Variants in FRMD4A observed in about 807,000 individuals in gnomAD.
FRMD4A encodes FERM domain containing 4A, also known as FERM domain-containing protein 4A.
FRMD4A carries 29 observed loss-of-function variants against 129.1 expected under a neutral mutation model. The observed-to-expected ratio is 0.22, with a 90% CI of 0.17 to 0.31. The LOEUF is 0.31. Among genes scored for constraint, FRMD4A ranks in the 10% least tolerant of loss-of-function variants. FRMD4A has a pLI of 1.00. For synonymous variants in FRMD4A, 634 were observed against 571.6 expected (o/e 1.11, Z -1.56); for missense variants, 1,272 against 1,375.8 (o/e 0.92, Z 1.19).
chr10:14,080,775 T>C (rs1015810920), intron 2 of FRMD4A, among the ~76,000 whole-genome samples: 7 of 151,916 alleles, frequency 4.6e-5, no homozygotes, highest in Admixed American at 2.6e-4. Flanking sequence ...CAGTGTCCAG[T>C]TGGCATCTCT....
In FRMD4A at chr10:13,700,569, C is replaced by T. The variant is rs141439248; in HGVS notation, c.975+771G>A. On this transcript the variant is annotated intron_variant, in intron 14 of 24. Transcript: ENST00000357447. The stretch of plus-strand genomic sequence containing the variant: ...AAGCTGCAGGGCCATCTTGGCAGGG[C>T]TCTTCCCCTGAGGGAGAATGAATGG... Among the ~76,000 whole-genome samples the T allele has an allele frequency of 7.2e-3, 1,095 of 152,292 alleles. 4 individuals are homozygous for T. The highest frequency in any genetic ancestry group is 0.012 in the Non-Finnish European group (807 of 68,024).
intron 2 of FRMD4A, among the ~76,000 whole-genome samples, chr10:14,230,297 C>T (rs1234006736): frequency 2.0e-5 from 3 of 152,282 alleles, no homozygotes; most frequent in East Asian, 1.9e-4. Context: ...TGGTTAAGAA[C>T]GTGGAATCTG....
intron 2 of FRMD4A, among the ~76,000 whole-genome samples, chr10:14,215,146 C>T (rs753029470): frequency 6.6e-6 from 1 of 152,108 alleles, no homozygotes; most frequent in Non-Finnish European, 1.5e-5. Flanking sequence ...ACTAGAGAAG[C>T]CATTGTCTAC....
At chr10:14,205,576 G>A (rs1842757785) in intron 2 of FRMD4A, among the ~76,000 whole-genome samples, 1 of 152,076 alleles carries the variant, frequency 6.6e-6, no homozygotes, top group African/African-American at 2.4e-5. Flanking sequence ...GGAGGCCGAG[G>A]TGGGTGGATC....
chr10:13,965,737 A>C (rs2095481519), intron 2 of FRMD4A, among the ~76,000 whole-genome samples: 1 of 152,234 alleles, frequency 6.6e-6, no homozygotes, highest in African/African-American at 2.4e-5. Flanking sequence ...TCTTTCTTTC[A>C]GTAATGAAAG....
chr10:13,967,575 A>G (rs1456976375), intron 2 of FRMD4A, among the ~76,000 whole-genome samples: 1 of 152,224 alleles, frequency 6.6e-6, no homozygotes, highest in Non-Finnish European at 1.5e-5. Flanking sequence ...AAAAGCAGCT[A>G]ACATGGATTG....
intron 2 of FRMD4A, among the ~76,000 whole-genome samples, chr10:14,039,854 T>A (rs1039923784): frequency 6.6e-6 from 1 of 152,176 alleles, no homozygotes; most frequent in African/African-American, 2.4e-5. Context: ...TGAGGCTGTG[T>A]CACGGCCGTG....
At chr10:13,975,569 T>TGTCTGTCTC in intron 2 of FRMD4A, among the ~76,000 whole-genome samples, 1 of 151,994 alleles carries the variant, frequency 6.6e-6, no homozygotes, top group East Asian at 1.9e-4. Flanking sequence ...TGTGTGTCTG[T>TGTCTGTCTC]GTCTGTCTCT....
chr10:13,850,768 T>C (rs61833450), intron 3 of FRMD4A, among the ~76,000 whole-genome samples: 1,650 of 152,346 alleles, frequency 0.011, 19 homozygotes, highest in Non-Finnish European at 0.017. Flanking sequence ...GAATGGGCTA[T>C]ACTATCAGAG....
intron 2 of FRMD4A, among the ~76,000 whole-genome samples, chr10:14,140,532 C>G (rs896648602): frequency 6.6e-6 from 1 of 152,304 alleles, no homozygotes; most frequent in African/African-American, 2.4e-5. Flanking sequence ...TGGTACACGA[C>G]CTTTCCACTT....
At chr10:13,955,334 C>T (rs1296623161) in intron 2 of FRMD4A, among the ~76,000 whole-genome samples, 1 of 152,142 alleles carries the variant, frequency 6.6e-6, no homozygotes, top group Non-Finnish European at 1.5e-5. Flanking sequence ...TCTCGAACTC[C>T]TGACCTAAAG....
At chr10:13,793,079 G>A (rs2093038341) in intron 5 of FRMD4A, among the ~76,000 whole-genome samples, 1 of 152,000 alleles carries the variant, frequency 6.6e-6, no homozygotes, top group African/African-American at 2.4e-5. Flanking sequence ...CCCAACCTGG[G>A]TTACTCAGCC....
chr10:13,887,941 G>T, intron 2 of FRMD4A, among the ~76,000 whole-genome samples: 1 of 152,204 alleles, frequency 6.6e-6, no homozygotes, highest in African/African-American at 2.4e-5. Context: ...GATGGATTTA[G>T]GGAACTAAAA....
At chr10:14,322,665 G>GGCC (rs1843107119) in intron 2 of FRMD4A, among the ~76,000 whole-genome samples, 1 of 152,178 alleles carries the variant, frequency 6.6e-6, no homozygotes, top group African/African-American at 2.4e-5. Context: ...CAATGCAACA[G>GGCC]AAGTTGCAGG....
intron 16 of FRMD4A, among the ~76,000 whole-genome samples, chr10:13,674,702 A>G (rs1294544188): frequency 6.6e-6 from 1 of 152,202 alleles, no homozygotes; most frequent in African/African-American, 2.4e-5. Flanking sequence ...GACAAAGCAC[A>G]TTAGAGAGGT....
intron 2 of FRMD4A, among the ~76,000 whole-genome samples, chr10:14,161,350 C>A (rs1840878113): frequency 6.6e-6 from 1 of 152,186 alleles, no homozygotes; most frequent in African/African-American, 2.4e-5. Context: ...ATCAGTGTAT[C>A]AAAGAGATAC....
Position 13,819,210 on chromosome 10 carries a change from C to A in FRMD4A, c.112-8302G>T, listed in dbSNP as rs527577780. The stretch of plus-strand genomic sequence containing the variant: ...ATGCTAGCCTGGTATTTAAGACCAC[C>A]CTATGAACCCAGCCCCAGTTTACCT... On this transcript the variant is annotated intron_variant, in intron 3 of 24. Transcript: ENST00000357447. 1.1e-4 allele frequency among the ~76,000 whole-genome samples: 16 copies of A among 152,204 alleles called. 1 individual carries two copies. Among genetic ancestry groups the A allele is most frequent in the Admixed American group, 8.5e-4 (13 of 15,286 alleles).
chr10:13,882,818 T>G (rs914278035), intron 2 of FRMD4A, among the ~76,000 whole-genome samples: 2 of 151,712 alleles, frequency 1.3e-5, no homozygotes, highest in Non-Finnish European at 2.9e-5. Flanking sequence ...TTTTTTTTTT[T>G]TTTTTGAGAC....
At chr10:13,803,400 T>C (rs1680247934) in intron 4 of FRMD4A, among the ~76,000 whole-genome samples, 1 of 152,190 alleles carries the variant, frequency 6.6e-6, no homozygotes, top group South Asian at 2.1e-4. Flanking sequence ...GGTGCAGTCA[T>C]AGCTCGCTGC....
Sources: allele counts gnomAD v4.1 joint callset (sites outside exome capture counted in the v4.1 genomes callset), GRCh38; gene constraint gnomAD v4.1.1; transcripts MANE v1.5; gene names NCBI Gene and HGNC (gene_info 2026-07-23, HGNC 2026-07-21).